The following LCT variants were observed in gnomAD, a reference collection of about 807,000 sequenced individuals.
LCT encodes the protein lactase.
LCT carries 90 observed loss-of-function variants against 173.0 expected under a neutral mutation model. That is an observed-to-expected ratio of 0.52 (90% CI 0.44 to 0.62). LCT has a LOEUF of 0.62. Among genes scored for constraint, LCT ranks in the 20% least tolerant of loss-of-function variants. The pLI is 0.00. For synonymous variants in LCT, 853 were observed against 957.6 expected, an observed-to-expected ratio of 0.89 and a Z score of 2.02; for missense variants, 1,864 against 2,431.4, an observed-to-expected ratio of 0.77 and a Z score of 4.91.
At position 135,836,739 on chromosome 2, in the gene LCT, G is replaced by T. The variant is rs759474884; in HGVS notation, c.431C>A (p.Thr144Asn). The T allele has an allele frequency of 2.5e-6, 4 of 1,614,078 alleles. No homozygotes were observed. In the South Asian group the frequency reaches 3.3e-5, roughly 13 times the overall value. ...QTLPASTLRR[T>N]EAFADLFADY... ...GGCGAAGAGGTCAGCAAAGGCTTCGGTTCTCCGGAGGGTGCTGGCAGGGAG... is the reference window on the plus strand; with the variant it reads ...GGCGAAGAGGTCAGCAAAGGCTTCGTTTCTCCGGAGGGTGCTGGCAGGGAG... Residue 144 changes from threonine (T) to asparagine (N), a missense_variant, in exon 1 of 17, where the codon ACC becomes AAC. By Grantham distance (65) the Thr-to-Asn change is moderately conservative. This residue lies in a region of LCT where 412 missense variants were observed against 462.0 expected (regional missense o/e 0.89). Coordinates refer to ENST00000264162, the MANE Select transcript of LCT (RefSeq NM_002299.4).
At position 135,805,369 on chromosome 2, in the gene LCT, G is replaced by A. The variant is rs565532033; in HGVS notation, c.4174-312C>T. Among the ~76,000 whole-genome samples the A allele has an allele frequency of 4.6e-5, 7 of 152,194 alleles. No individual in the cohort carries two copies. The South Asian group carries it at 1.0e-3, about 23-fold the overall frequency. On this transcript the variant is annotated intron_variant, in intron 9 of 16. Coordinates refer to ENST00000264162, the MANE Select transcript of LCT (RefSeq NM_002299.4). ...CCTGCTCTGGCCCCTGCTCAGTCTC[G>A]GAACTCCCCTGGCTTTCTCTACGCA...
In LCT at chr2:135,791,147, G is replaced by A. The variant is rs376795699; in HGVS notation, c.5112-266C>T. ...CTCTGCCTGTGCAGAGAATGGTCTT[G>A]CTCATGGAGCCCAGCCCTCCACTAC... On this transcript the variant is annotated intron_variant, in intron 14 of 16. Coordinates refer to ENST00000264162, the MANE Select transcript of LCT (RefSeq NM_002299.4). 1.4e-4 allele frequency among the ~76,000 whole-genome samples: 21 copies of A among 152,346 alleles called. No individual in the cohort carries two copies. In the South Asian group the frequency reaches 4.4e-3, roughly 32 times the overall value.
At chr2:135,789,274 C>G (rs148043614) in intron 16 of LCT, among the ~76,000 whole-genome samples, 19 of 152,302 alleles carry the variant, frequency 1.2e-4, no homozygotes, top group African/African-American at 4.1e-4. Context: ...GAAGCATGTG[C>G]CTGGTTTCTT....
chr2:135,803,862 G>T (rs1306828580), intron 11 of LCT, 68 bp downstream of exon 11: 3 of 1,446,068 alleles, frequency 2.1e-6, no homozygotes, highest in Admixed American at 1.9e-5. Flanking sequence ...GTGCCATCTG[G>T]ATTTCAACTC....
In LCT at chr2:135,817,421, G is replaced by T. The variant is rs2077788806; in HGVS notation, c.1627C>A (p.Pro543Thr). The change falls in exon 6 of 17, where the codon CCG becomes ACG. Residue 543 changes from proline to threonine, a missense_variant. Coordinates refer to ENST00000264162, the MANE Select transcript of LCT (RefSeq NM_002299.4). ...RVKLWVTFHE[P>T]WVMSYAGYGT... ...TAGCCTGCGTAGCTCATCACCCACGGCTCATGGAAGGTCACCCACAGCTTC... is the reference window on the plus strand; with the variant it reads ...TAGCCTGCGTAGCTCATCACCCACGTCTCATGGAAGGTCACCCACAGCTTC... The T allele has an allele frequency of 6.2e-7, 1 of 1,614,138 alleles. No individual in the cohort carries two copies.
In LCT at chr2:135,817,629, G is replaced by A. The variant is rs6719488; in HGVS notation, c.1419C>T (p.Gly473=). 1.2e-6 allele frequency: 2 copies of A among 1,613,824 alleles called. No individual in the cohort carries two copies. The highest frequency in any genetic ancestry group is 8.5e-7 in the Non-Finnish European group (1 of 1,179,974). The change falls in exon 6 of 17, where the codon GGC becomes GGT. Residue 473 remains glycine (G), a synonymous_variant. Transcript: ENST00000264162. ...CAATCAGCTTGTTGTAGTAGGCAACGCCTGGGAGGCTGGGGCTGCTCCCGT... is the reference window on the plus strand; with the variant it reads ...CAATCAGCTTGTTGTAGTAGGCAACACCTGGGAGGCTGGGGCTGCTCCCGT... The part of the protein sequence containing the change: ...MGHGSSPSLP[G]VAYYNKLIDR...
chr2:135,794,651 C>T lies in LCT; in HGVS notation c.5101G>A (p.Asp1701Asn), dbSNP rs1295653456. Residue 1701 changes from aspartate (D) to asparagine (N), a missense_variant, in exon 14 of 17, where the codon GAT becomes AAT. Physicochemically the swap from Asp to Asn is conservative, Grantham distance 23. This residue lies in a region of LCT where 514 missense variants were observed against 750.1 expected (regional missense o/e 0.69). Transcript: ENST00000264162. ...LNYATAISSFDADRGVASIAD... is the reference protein window; with the variant it reads ...LNYATAISSFNADRGVASIAD... ...TGTTGGTGGACTTACCTGTCTGCAT[C>T]AAAAGAAGAGATGGCAGTGGCATAG... The T allele has an allele frequency of 6.2e-7, 1 of 1,614,090 alleles. No individual in the cohort carries two copies. The highest frequency in any genetic ancestry group is 1.7e-5 in the Admixed American group (1 of 60,022).
intron 2 of LCT, among the ~76,000 whole-genome samples, chr2:135,830,722 C>T (rs1018345025): frequency 1.3e-5 from 2 of 152,168 alleles, no homozygotes; most frequent in African/African-American, 4.8e-5. Context: ...CATCAGTGTT[C>T]ACTAAAGACC....
rs2077587528 is a variant in LCT at position 135,797,001 on chromosome 2, G to A, written c.4976+1028C>T. Among the ~76,000 whole-genome samples, 4 of 147,898 alleles carry A rather than the reference G, an allele frequency of 2.7e-5. No homozygotes were observed. In the South Asian group the frequency reaches 6.4e-4, roughly 24 times the overall value. ...CTTGCTCCATCGTCCAGGCTGGAGT[G>A]CAGTGGCATGATCTCGGCTCACTGC... On this transcript the variant is annotated intron_variant, in intron 13 of 16. Transcript: ENST00000264162.
Position 135,809,919 on chromosome 2 carries a change from C to T in LCT, c.2428G>A (p.Gly810Ser). ...SLIDGFEGPSGYSQRFGLHHV... is the reference protein window; with the variant it reads ...SLIDGFEGPSSYSQRFGLHHV... ...TGCAGGCCAAACCGCTGGCTGTAACCAGAAGGGCCTTCGAAGCCATCAATG... is the reference window on the plus strand; with the variant it reads ...TGCAGGCCAAACCGCTGGCTGTAACTAGAAGGGCCTTCGAAGCCATCAATG... The change falls in exon 8 of 17, where the codon GGT becomes AGT. Residue 810 changes from glycine (G) to serine (S), a missense_variant. Coordinates refer to ENST00000264162, the MANE Select transcript of LCT (RefSeq NM_002299.4). This position sits in a 1 kb window ranked among gnomAD's most constrained non-coding sequence, Gnocchi z 5.5. The T allele has an allele frequency of 1.2e-6, 2 of 1,614,152 alleles. No homozygotes were observed. Among genetic ancestry groups the T allele is most frequent in the Non-Finnish European group, 1.7e-6 (2 of 1,180,018 alleles).
intron 7 of LCT, among the ~76,000 whole-genome samples, chr2:135,812,027 G>A (rs1312475039): frequency 2.0e-5 from 3 of 152,092 alleles, no homozygotes; most frequent in East Asian, 1.9e-4. Flanking sequence ...TGCAGTGAGC[G>A]ATGTTTATGC....
rs762207096 is a variant in LCT at position 135,804,961 on chromosome 2, C to T, written c.4270G>A (p.Val1424Met). The part of the protein sequence containing the change: ...LRVENDAIGD[V>M]ACDSYHKIAE... Reference sequence around the variant, plus strand: ...ATCTTGTGATAACTGTCACAGGCCACGTCTCCAATGGCATCGTTCTCAACC... The same window carrying T: ...ATCTTGTGATAACTGTCACAGGCCATGTCTCCAATGGCATCGTTCTCAACC... The change falls in exon 10 of 17, where the codon GTG (valine) becomes ATG (methionine). Residue 1424 changes from valine to methionine, a missense_variant. By Grantham distance (21) the Val-to-Met change is conservative. Coordinates refer to ENST00000264162, the MANE Select transcript of LCT (RefSeq NM_002299.4). 5.6e-6 allele frequency: 9 copies of T among 1,614,152 alleles called. No homozygotes were observed. The highest frequency in any genetic ancestry group is 4.5e-5 in the East Asian group (2 of 44,886).
chr2:135,794,841 T>C lies in LCT; in HGVS notation c.4977-66A>G, dbSNP rs145045263. ...GCCATGCTTTGAGAAGAGAACGTCA[T>C]AGGGCTGGGGCGGGGGAGCTCTCCG... On this transcript the variant is annotated intron_variant, in intron 13 of 16. Coordinates refer to ENST00000264162, the MANE Select transcript of LCT (RefSeq NM_002299.4). 13,711 of 1,595,170 alleles carry C rather than the reference T, an allele frequency of 8.6e-3. 114 individuals carry two copies. Among genetic ancestry groups the C allele is most frequent in the Non-Finnish European group, 8.7e-3 (10,180 of 1,163,548 alleles).
Position 135,808,418 on chromosome 2 carries a change from T to C in LCT, c.3904+25A>G, listed in dbSNP as rs1197631350. On this transcript the variant is annotated intron_variant, in intron 8 of 16. Transcript: ENST00000264162. ...CCCAGGGAATGTTGGAAGATTTCTT[T>C]AAGGGGAACTGAACCCTCACACACC... The C allele has an allele frequency of 1.9e-6, 3 of 1,566,780 alleles. No individual in the cohort carries two copies. In the East Asian group the frequency reaches 6.7e-5, roughly 35 times the overall value.
chr2:135,798,166 A>G, intron 12 of LCT, 28 bp from the exon 13 acceptor site: 1 of 1,195,546 alleles, frequency 8.4e-7, no homozygotes, highest in African/African-American at 1.5e-5. Flanking sequence ...GAGACAGCCC[A>G]GGCGTTACAG....
intron 9 of LCT, among the ~76,000 whole-genome samples, chr2:135,805,619 T>C (rs2077664639): frequency 6.6e-6 from 1 of 152,228 alleles, no homozygotes; most frequent in Non-Finnish European, 1.5e-5. Context: ...AGAGCCAATG[T>C]GAGCAAACTG....
At chr2:135,793,012 C>A (rs1482934913) in intron 14 of LCT, among the ~76,000 whole-genome samples, 3 of 152,138 alleles carry the variant, frequency 2.0e-5, no homozygotes, top group Admixed American at 6.5e-5. Context: ...GGAGACCAAC[C>A]AACTCACGCC....
intron 1 of LCT, 96 bp downstream of exon 1, chr2:135,836,434 T>G: frequency 2.2e-5 from 24 of 1,097,732 alleles, no homozygotes; most frequent in Non-Finnish European, 3.2e-5. Flanking sequence ...CTGCTGAAGG[T>G]GAGTTGGGAG....
At chr2:135,798,452 G>C (rs772659241) in intron 12 of LCT, among the ~76,000 whole-genome samples, 1 of 152,220 alleles carries the variant, frequency 6.6e-6, no homozygotes, top group African/African-American at 2.4e-5. Context: ...GCCCTTGGAT[G>C]GGTCCTGCAG....
Sources: gnomAD v4.1 joint callset for allele counts (sites outside exome capture counted in the v4.1 genomes callset) on GRCh38, gnomAD v4.1.1 for gene constraint, gnomAD v4.1.1 regional missense constraint, Gnocchi (gnomAD v3.1) non-coding constraint, MANE v1.5 for transcripts, NCBI Gene and HGNC (gene_info 2026-07-23, HGNC 2026-07-21) for gene names.